GSE1: variants seen among roughly 807,000 people sequenced by gnomAD.
GSE1 encodes Gse1 coiled-coil protein, also known as genetic suppressor element 1.
Under a neutral mutation model 112.6 loss-of-function variants are expected in GSE1, and 32 were observed. The observed-to-expected ratio is 0.28, with a 90% CI of 0.21 to 0.38. The LOEUF (loss-of-function observed/expected upper bound fraction) is 0.38. Among genes scored for constraint, GSE1 ranks in the 10% least tolerant of loss-of-function variants. The pLI, the probability that GSE1 is intolerant of heterozygous loss-of-function variation, is 1.00. For missense variants in GSE1, 2,348 were observed against 1,699.2 expected, an observed-to-expected ratio of 1.38 and a Z score of -6.71; for synonymous variants, 1,115 against 735.6, an observed-to-expected ratio of 1.52 and a Z score of -8.35.
At chr16:85,452,839 T>C (rs2049723905) in intron 2 of GSE1, among the ~76,000 whole-genome samples, 2 of 152,338 alleles carry the variant, frequency 1.3e-5, no homozygotes, top group African/African-American at 4.8e-5. Context: ...AAACAGGGAT[T>C]GGGCCCTTCC....
intron 2 of GSE1, among the ~76,000 whole-genome samples, chr16:85,402,786 G>C (rs1281150730): frequency 6.6e-6 from 1 of 151,940 alleles, no homozygotes; most frequent in Non-Finnish European, 1.5e-5. Flanking sequence ...TCCGGGTGTG[G>C]CTCCTGTAGT....
At chr16:85,483,275 G>A (rs1038272695) in intron 2 of GSE1, among the ~76,000 whole-genome samples, 3 of 152,268 alleles carry the variant, frequency 2.0e-5, no homozygotes, top group African/African-American at 7.2e-5. Flanking sequence ...AGCCTCAGCT[G>A]TCGTTCCCGC....
intron 1 of GSE1, among the ~76,000 whole-genome samples, chr16:85,212,936 TGG>T (rs2075249977): frequency 6.6e-6 from 1 of 152,140 alleles, no homozygotes; most frequent in Non-Finnish European, 1.5e-5. Context: ...GAGACCAGCC[TGG>T]GCAACATGGC....
chr16:85,583,179 C>T (rs549874266), intron 1 of GSE1, among the ~76,000 whole-genome samples: 19 of 152,268 alleles, frequency 1.2e-4, no homozygotes, highest in South Asian at 6.2e-4. Context: ...CAACCCTGTT[C>T]CCCCGATTAC....
chr16:85,662,853 C>G, intron 9 of GSE1, 128 bp from the exon 10 acceptor site: 1 of 665,712 alleles, frequency 1.5e-6, no homozygotes. Context: ...AAGGAACTGG[C>G]CTTCAGGGTG....
intron 2 of GSE1, among the ~76,000 whole-genome samples, chr16:85,447,190 G>A (rs945100685): frequency 6.6e-6 from 1 of 152,176 alleles, no homozygotes; most frequent in African/African-American, 2.4e-5. Context: ...TTGCAAGCAA[G>A]AAGGCACTAG....
intron 6 of GSE1, 79 bp from the exon 7 acceptor site, chr16:85,656,262 TTA>T: frequency 6.5e-7 from 1 of 1,543,350 alleles, no homozygotes; most frequent in Non-Finnish European, 8.8e-7. Flanking sequence ...TCGTTCCTGG[TTA>T]TGCTTTTTAA....
chr16:85,495,440 TA>T (rs2051141695), intron 2 of GSE1, among the ~76,000 whole-genome samples: 1 of 143,900 alleles, frequency 6.9e-6, no homozygotes, highest in Admixed American at 6.7e-5. Context: ...TTTATTTATT[TA>T]TTTATTTATT....
chr16:85,341,715 G>C (rs1055999688), intron 1 of GSE1, among the ~76,000 whole-genome samples: 2 of 151,860 alleles, frequency 1.3e-5, no homozygotes, highest in African/African-American at 4.8e-5. Context: ...GCCCAGGCTG[G>C]TCTCAAACTC....
intron 1 of GSE1, among the ~76,000 whole-genome samples, chr16:85,633,016 C>T (rs1451201156): frequency 1.3e-5 from 2 of 150,502 alleles, no homozygotes; most frequent in African/African-American, 2.5e-5. Context: ...CCTCTGGTGC[C>T]GCCGCCGCCG....
chr16:85,487,086 A>G (rs1049157053), intron 2 of GSE1, among the ~76,000 whole-genome samples: 55 of 152,128 alleles, frequency 3.6e-4, no homozygotes, highest in Non-Finnish European at 1.9e-4. Flanking sequence ...AGAAGCTTCC[A>G]GAGGCTGCCG....
intron 1 of GSE1, among the ~76,000 whole-genome samples, chr16:85,218,412 G>C (rs2075338990): frequency 2.0e-5 from 3 of 152,186 alleles, no homozygotes; most frequent in Admixed American, 1.3e-4. Flanking sequence ...AAGATTCTTT[G>C]AAAGAGAATT....
At chr16:85,633,888 C>T (rs780045942) in intron 1 of GSE1, 26 bp from the exon 2 acceptor site, 55 of 1,585,772 alleles carry the variant, frequency 3.5e-5, no homozygotes, top group Admixed American at 5.1e-5. Flanking sequence ...TCTGGGTGAC[C>T]TCTGGTTCTT....
chr16:85,647,484 C>T (rs2050971197), intron 2 of GSE1, among the ~76,000 whole-genome samples: 1 of 152,176 alleles, frequency 6.6e-6, no homozygotes, highest in Admixed American at 6.5e-5. Context: ...AAAGAAACTC[C>T]CCCAGGGTCA....
chr16:85,473,722 A>AT (rs2050365956), intron 2 of GSE1, among the ~76,000 whole-genome samples: 1 of 152,140 alleles, frequency 6.6e-6, no homozygotes, highest in African/African-American at 2.4e-5. Flanking sequence ...CTTTTTCCAA[A>AT]TAAGTCACAC....
intron 1 of GSE1, among the ~76,000 whole-genome samples, chr16:85,249,113 T>C (rs1366785236): frequency 1.3e-5 from 2 of 152,254 alleles, no homozygotes; most frequent in African/African-American, 4.8e-5. Context: ...AAAGCCCTTT[T>C]GCTCAGTCAG....
intron 2 of GSE1, among the ~76,000 whole-genome samples, chr16:85,438,416 C>T (rs1002756258): frequency 2.0e-5 from 3 of 152,206 alleles, no homozygotes; most frequent in African/African-American, 7.2e-5. Context: ...CCGCGCCTGC[C>T]CAGAGGTCCT....
chr16:85,455,696 C>T (rs1010650780), intron 2 of GSE1, among the ~76,000 whole-genome samples: 4 of 152,368 alleles, frequency 2.6e-5, no homozygotes, highest in African/African-American at 4.8e-5. Context: ...CTCCCCCGCA[C>T]GAGACTTCAG....
intron 1 of GSE1, among the ~76,000 whole-genome samples, chr16:85,312,771 G>C (rs1189017386): frequency 6.6e-6 from 1 of 151,946 alleles, no homozygotes; most frequent in Non-Finnish European, 1.5e-5. Context: ...AGGAAGGAGA[G>C]GAGGAGGAGA....
Sources: gnomAD v4.1 joint callset for allele counts (sites outside exome capture counted in the v4.1 genomes callset) on GRCh38, gnomAD v4.1.1 for gene constraint, MANE v1.5 for transcripts, NCBI Gene and HGNC (gene_info 2026-07-23, HGNC 2026-07-21) for gene names.